Variants in PAXIP1 observed in about 807,000 individuals in gnomAD.
PAXIP1 encodes the protein PAX-interacting protein 1.
In PAXIP1, 19 loss-of-function variants were observed where a neutral mutation model predicts 140.6. The observed-to-expected ratio is 0.14, with a 90% confidence interval of 0.09 to 0.20. The LOEUF is 0.20. Among genes scored for constraint, PAXIP1 ranks in the 10% least tolerant of loss-of-function variants. The probability of loss-of-function intolerance (pLI) is 1.00; values close to 1 mark genes in which losing one functional copy is unlikely to be tolerated. For missense variants in PAXIP1, 920 were observed against 1,208.6 expected (o/e 0.76, Z 3.54); for synonymous variants, 442 against 444.6 (o/e 0.99, Z 0.07).
chr7:155,001,084 A>G (rs1810866189), intron 1 of PAXIP1: 1 of 152,278 alleles, frequency 6.6e-6, no homozygotes, highest in African/African-American at 2.4e-5. Context: ...TAGATGGTCA[A>G]CATGTGAACT....
intron 5 of PAXIP1, among the ~76,000 whole-genome samples, chr7:154,980,712 C>T (rs1809802092): frequency 6.6e-6 from 1 of 152,198 alleles, no homozygotes; most frequent in African/African-American, 2.4e-5. Flanking sequence ...CCACTTCTGG[C>T]CCATGTAATA....
At position 154,963,674 on chromosome 7, in the gene PAXIP1, T is replaced by A. The variant is rs61752009; in HGVS notation, c.1986A>T (p.Ala662=). Residue 662 remains alanine, a synonymous_variant, in exon 9 of 21, where the codon GCA becomes GCT. Coordinates refer to ENST00000404141, the MANE Select transcript of PAXIP1 (RefSeq NM_007349.4). This position sits in a 1 kb window ranked among gnomAD's most constrained non-coding sequence, Gnocchi z 4.1. ...LCESQVSSAY[A]QAIRERKRCV... ...CAGCTAAGGCTATTTTCCTTACCTGTGCATACGCGCTGCTGACTTGACTCT... is the reference window on the plus strand; with the variant it reads ...CAGCTAAGGCTATTTTCCTTACCTGAGCATACGCGCTGCTGACTTGACTCT... 2,969 of 1,610,298 alleles carry A rather than the reference T, an allele frequency of 1.8e-3. 6 individuals carry two copies. Among genetic ancestry groups the A allele is most frequent in the Non-Finnish European group, 2.3e-3 (2,726 of 1,177,178 alleles).
At position 154,969,358 on chromosome 7, in the gene PAXIP1, A is replaced by G. The variant is rs1211792507; in HGVS notation, c.1075-232T>C. 3.3e-5 allele frequency among the ~76,000 whole-genome samples: 5 copies of G among 152,284 alleles called. No individual in the cohort carries two copies. The East Asian group carries it at 7.7e-4, about 23-fold the overall frequency. On this transcript the variant is annotated intron_variant, in intron 6 of 20. Transcript: ENST00000404141. ...TGAGACCACCAAAATTTGAAACTAC[A>G]TCAGTAAAATGGAGTAAACTAACGA...
intron 1 of PAXIP1, chr7:155,002,227 C>G (rs56330306): frequency 0.45 from 67,939 of 152,254 alleles, 17,399 homozygotes; most frequent in Non-Finnish European, 0.55. Context: ...ACCAGGGTAC[C>G]GTAAAATTAA....
intron 16 of PAXIP1, chr7:154,951,110 G>A (rs1169437083): frequency 6.6e-6 from 1 of 152,234 alleles, no homozygotes; most frequent in Admixed American, 6.5e-5. Context: ...GAGCCCTAAT[G>A]TAACTATGGA....
intron 8 of PAXIP1, 46 bp downstream of exon 8, chr7:154,967,770 G>A: frequency 7.6e-7 from 1 of 1,311,750 alleles, no homozygotes; most frequent in South Asian, 1.2e-5. Context: ...ACATAAGAAA[G>A]AAGCATCTTC....
At chr7:154,966,504 C>T (rs1809028927) in intron 8 of PAXIP1, among the ~76,000 whole-genome samples, 1 of 152,206 alleles carries the variant, frequency 6.6e-6, no homozygotes, top group Non-Finnish European at 1.5e-5. Context: ...TGTTAGACCT[C>T]TTGGATAAAT....
chr7:155,002,358 C>T, intron 1 of PAXIP1, among the ~76,000 whole-genome samples: 1 of 152,142 alleles, frequency 6.6e-6, no homozygotes, highest in East Asian at 1.9e-4. Context: ...CGGAGGCGGC[C>T]AAGCCGGTGC....
chr7:154,972,913 C>G (rs778182106), intron 6 of PAXIP1, among the ~76,000 whole-genome samples: 1 of 152,254 alleles, frequency 6.6e-6, no homozygotes, highest in Non-Finnish European at 1.5e-5. Context: ...TACTTTCTAC[C>G]TGTCATGACA....
Position 154,963,495 on chromosome 7 carries a change from T to A in PAXIP1, c.1989+176A>T, listed in dbSNP as rs1808862684. ...TTCTTTCTCCATTGCTCAAAGACAA[T>A]GGTGCCCACAAAAGATATCAATCCC... On this transcript the variant is annotated intron_variant, in intron 9 of 20. Transcript: ENST00000404141. The surrounding 1 kb of genome is among the most constrained non-coding windows in gnomAD (Gnocchi z 4.1). Among the ~76,000 whole-genome samples the A allele has an allele frequency of 2.0e-5, 3 of 152,176 alleles. No homozygotes were observed.
chr7:154,979,272 T>C (rs1809735074), intron 5 of PAXIP1, among the ~76,000 whole-genome samples: 1 of 152,242 alleles, frequency 6.6e-6, no homozygotes, highest in Admixed American at 6.5e-5. Context: ...AAGTTATAAA[T>C]TCTTTCATTC....
intron 7 of PAXIP1, 72 bp downstream of exon 7, chr7:154,968,331 T>G: frequency 7.6e-7 from 1 of 1,315,400 alleles, no homozygotes; most frequent in South Asian, 1.5e-5. Flanking sequence ...CACCCCACAC[T>G]CAAACACTCT....
At chr7:154,985,797 CTA>C (rs1484765212) in intron 4 of PAXIP1, among the ~76,000 whole-genome samples, 3 of 152,216 alleles carry the variant, frequency 2.0e-5, no homozygotes, top group African/African-American at 7.2e-5. Flanking sequence ...CCAGTCTTGA[CTA>C]TGAACTCTAA....
At chr7:155,000,871 C>T (rs1414146014) in intron 1 of PAXIP1, 2 of 152,224 alleles carry the variant, frequency 1.3e-5, no homozygotes, top group Middle Eastern at 3.2e-3. Flanking sequence ...CTGCTTATCT[C>T]AAAACCCAAC....
At chr7:154,977,990 A>ACTTTTTAATGTACATT (rs1563379932) in intron 5 of PAXIP1, among the ~76,000 whole-genome samples, 23 of 151,552 alleles carry the variant, frequency 1.5e-4, no homozygotes, top group African/African-American at 4.9e-4. Flanking sequence ...CGCAGACCAA[A>ACTTTTTAATGTACATT]TTAGAGACTA....
Position 154,973,263 on chromosome 7 carries a change from G to C in PAXIP1, c.1074+2433C>G, listed in dbSNP as rs919451647. Among the ~76,000 whole-genome samples, 1 of 151,936 alleles carries C rather than the reference G, an allele frequency of 6.6e-6. No individual in the cohort carries two copies. Among genetic ancestry groups the C allele is most frequent in the South Asian group, 2.1e-4 (1 of 4,802 alleles). On this transcript the variant is annotated intron_variant, in intron 6 of 20. Transcript: ENST00000404141. The surrounding 1 kb of genome is among the most constrained non-coding windows in gnomAD (Gnocchi z 4.0). Reference sequence around the variant, plus strand: ...GTCAGTGGCAGGCCTGTTTTCCTCCGGGACCCAACAAGGTGACATGGAGCG... The same window carrying C: ...GTCAGTGGCAGGCCTGTTTTCCTCCCGGACCCAACAAGGTGACATGGAGCG...
intron 20 of PAXIP1, chr7:154,944,711 G>A (rs1472202424): frequency 1.3e-5 from 2 of 152,116 alleles, no homozygotes; most frequent in Non-Finnish European, 2.9e-5. Flanking sequence ...ATACAAACAT[G>A]AATGTTAGGA....
At chr7:154,993,903 T>G in intron 2 of PAXIP1, 134 bp from the exon 3 acceptor site, 1 of 642,822 alleles carries the variant, frequency 1.6e-6, no homozygotes. Context: ...AGTATGAATA[T>G]TCAAATAGAA....
At chr7:154,992,276 C>T (rs1041487848) in intron 3 of PAXIP1, among the ~76,000 whole-genome samples, 7 of 152,066 alleles carry the variant, frequency 4.6e-5, no homozygotes, top group South Asian at 2.1e-4. Context: ...TGGCTGGGCG[C>T]GGTGGCTCAT....
Sources: gnomAD v4.1 joint callset for allele counts (sites outside exome capture counted in the v4.1 genomes callset) on GRCh38, gnomAD v4.1.1 for gene constraint, Gnocchi (gnomAD v3.1) non-coding constraint, MANE v1.5 for transcripts, NCBI Gene and HGNC (gene_info 2026-07-23, HGNC 2026-07-21) for gene names.